The following HOOK3 variants were observed in gnomAD, a reference collection of about 807,000 sequenced individuals.
HOOK3 encodes the protein protein Hook homolog 3.
HOOK3 carries 24 observed loss-of-function variants against 116.3 expected under a neutral mutation model. The ratio of observed to expected loss-of-function variants is 0.21; its 90% CI spans 0.15 to 0.29. The LOEUF (loss-of-function observed/expected upper bound fraction) is 0.29, where lower values mean the gene tolerates loss of function less well. Among genes scored for constraint, HOOK3 ranks in the 10% least tolerant of loss-of-function variants. HOOK3 has a pLI of 1.00. For missense variants in HOOK3, 632 were observed against 830.2 expected (o/e 0.76, Z 2.93); for synonymous variants, 275 against 283.0 (o/e 0.97, Z 0.28).
chr8:43,011,357 G>C (rs908225741), intron 19 of HOOK3, among the ~76,000 whole-genome samples: 2 of 152,088 alleles, frequency 1.3e-5, no homozygotes, highest in African/African-American at 4.8e-5. Context: ...TCTTTAAGGA[G>C]ATTTGTGCTC....
intron 1 of HOOK3, among the ~76,000 whole-genome samples, chr8:42,899,525 A>C (rs573963631): frequency 6.6e-4 from 100 of 152,362 alleles, no homozygotes; most frequent in African/African-American, 2.3e-3. Context: ...TAAATGTTTC[A>C]ATGAGCAATG....
Position 42,934,374 on chromosome 8 carries a change from GA to G in HOOK3, c.267+4203del, listed in dbSNP as rs1336548977. On this transcript the variant is annotated intron_variant, in intron 4 of 21. Transcript: ENST00000307602. ...TATCTCTATGAGAATATTAATCATA[GA>G]TTTTTTTTACTTTCATATGTTTTTT... Among the ~76,000 whole-genome samples the G allele has an allele frequency of 4.6e-5, 7 of 152,020 alleles. No homozygotes were observed. In the East Asian group the frequency reaches 7.7e-4, roughly 17 times the overall value.
intron 19 of HOOK3, among the ~76,000 whole-genome samples, chr8:43,011,710 CA>C (rs1192245395): frequency 2.0e-5 from 3 of 151,468 alleles, no homozygotes; most frequent in Non-Finnish European, 4.4e-5. Context: ...TCCGTCTCTA[CA>C]AAAAAAAGTT....
At chr8:42,951,131 G>C (rs113159147) in intron 6 of HOOK3, among the ~76,000 whole-genome samples, 7,197 of 152,022 alleles carry the variant, frequency 0.047, 343 homozygotes, top group African/African-American at 0.12. Context: ...TGTGATCTTG[G>C]CTCACTGCAA....
intron 3 of HOOK3, among the ~76,000 whole-genome samples, chr8:42,927,917 C>T (rs965841146): frequency 1.3e-5 from 2 of 152,094 alleles, no homozygotes; most frequent in African/African-American, 2.4e-5. Flanking sequence ...GAGGTCAAGG[C>T]GGGTGGATCA....
chr8:42,997,320 T>C (rs573514510), intron 15 of HOOK3, among the ~76,000 whole-genome samples: 1 of 152,346 alleles, frequency 6.6e-6, no homozygotes, highest in South Asian at 2.1e-4. Context: ...TTCTAAAATA[T>C]GTGCCCACCC....
At chr8:42,943,587 A>C in intron 5 of HOOK3, 142 bp downstream of exon 5, 1 of 464,446 alleles carries the variant, frequency 2.2e-6, no homozygotes, top group Non-Finnish European at 3.4e-6. Flanking sequence ...CTACAGTTTT[A>C]CTAGTAATTT....
At chr8:42,944,397 C>T (rs1808185733) in intron 5 of HOOK3, among the ~76,000 whole-genome samples, 1 of 151,270 alleles carries the variant, frequency 6.6e-6, no homozygotes, top group Admixed American at 6.6e-5. Flanking sequence ...GCCTGGGCGA[C>T]AGAGCAAGAC....
intron 2 of HOOK3, among the ~76,000 whole-genome samples, chr8:42,921,537 T>C (rs1201293395): frequency 1.3e-5 from 2 of 152,166 alleles, no homozygotes; most frequent in African/African-American, 2.4e-5. Flanking sequence ...CTTTTGGGGG[T>C]TGTCTGTTTC....
At chr8:42,913,985 C>T (rs1807483567) in intron 2 of HOOK3, among the ~76,000 whole-genome samples, 1 of 152,166 alleles carries the variant, frequency 6.6e-6, no homozygotes, top group Admixed American at 6.5e-5. Context: ...ATGCTTTGCG[C>T]TGATTCATCT....
chr8:42,956,790 G>A (rs1808444782), intron 6 of HOOK3, among the ~76,000 whole-genome samples: 1 of 152,016 alleles, frequency 6.6e-6, no homozygotes, highest in Non-Finnish European at 1.5e-5. Flanking sequence ...CTCCATGTTG[G>A]TCAGGCTGGT....
chr8:43,001,486 T>C (rs1377947388), intron 16 of HOOK3, among the ~76,000 whole-genome samples: 1 of 152,158 alleles, frequency 6.6e-6, no homozygotes, highest in Non-Finnish European at 1.5e-5. Flanking sequence ...TTTAGTGGTC[T>C]TATAGAGAAT....
At chr8:42,919,239 G>C (rs1268294736) in intron 2 of HOOK3, among the ~76,000 whole-genome samples, 37 of 150,824 alleles carry the variant, frequency 2.5e-4, no homozygotes, top group Non-Finnish European at 5.2e-4. Context: ...GGCGGCTTCC[G>C]GGCAGAGGGG....
chr8:42,921,286 A>T (rs1294432189), intron 2 of HOOK3, among the ~76,000 whole-genome samples: 7 of 151,792 alleles, frequency 4.6e-5, no homozygotes, highest in Admixed American at 2.6e-4. Flanking sequence ...TTGGCTTTGG[A>T]TAGTCATCAG....
rs575428659 is a variant in HOOK3 at position 42,939,555 on chromosome 8, G to T, written c.268-3758G>T. On this transcript the variant is annotated intron_variant, in intron 4 of 21. Coordinates refer to ENST00000307602, the MANE Select transcript of HOOK3 (RefSeq NM_032410.4). ...CCCCACCTCCCTCCCGGACAGGGCG[G>T]CTGGCCGAGCGGGGGGCTGACCCCC... Among the ~76,000 whole-genome samples, 51 of 148,452 alleles carry T rather than the reference G, an allele frequency of 3.4e-4. No individual in the cohort carries two copies. The East Asian group carries it at 8.7e-3, about 25-fold the overall frequency.
chr8:42,943,181 T>C (rs1328530964), intron 4 of HOOK3, 132 bp from the exon 5 acceptor site: 3 of 452,500 alleles, frequency 6.6e-6, no homozygotes, highest in Non-Finnish European at 1.1e-5. Context: ...AAATAGAAAT[T>C]GGGAGTGAAA....
At chr8:43,011,248 C>G (rs1026455430) in intron 19 of HOOK3, among the ~76,000 whole-genome samples, 20 of 152,118 alleles carry the variant, frequency 1.3e-4, no homozygotes, top group African/African-American at 4.8e-4. Context: ...CCGCCTCGGC[C>G]TCCCAAAGTG....
rs569727783 is a variant in HOOK3, at chr8:43,022,945, G to A, written c.*4447G>A. 4 of 161,114 alleles carry A rather than the reference G, an allele frequency of 2.5e-5. No homozygotes were observed. The highest frequency in any genetic ancestry group is 3.0e-3 in the Middle Eastern group (1 of 334). The allele number at this position is 161,114 out of a possible 1,614,324, so 10.0% of individuals were successfully genotyped here. On this transcript the variant is annotated 3_prime_UTR_variant, in exon 22 of 22. Transcript: ENST00000307602. Reference sequence around the variant, plus strand: ...CCTGTGGCCAGGTGCGGTGGCTCACGCCTGTAATCCCAGCACTTTGGGAGG... The same window carrying A: ...CCTGTGGCCAGGTGCGGTGGCTCACACCTGTAATCCCAGCACTTTGGGAGG...
At chr8:43,016,313 G>T (rs1809715049) in intron 21 of HOOK3, among the ~76,000 whole-genome samples, 1 of 151,858 alleles carries the variant, frequency 6.6e-6, no homozygotes, top group Admixed American at 6.6e-5. Flanking sequence ...GTAGAAACAG[G>T]GTTTCACCGT....
Sources: gnomAD v4.1 joint callset for allele counts (sites outside exome capture counted in the v4.1 genomes callset) on GRCh38, gnomAD v4.1.1 for gene constraint, MANE v1.5 for transcripts, NCBI Gene and HGNC (gene_info 2026-07-23, HGNC 2026-07-21) for gene names.